The following DCBLD2 variants were observed in gnomAD, a reference collection of about 807,000 sequenced individuals.
DCBLD2 encodes the protein discoidin, CUB and LCCL domain-containing protein 2.
Under a neutral mutation model 86.8 loss-of-function variants are expected in DCBLD2, and 54 were observed. The ratio of observed to expected loss-of-function variants is 0.62; its 90% confidence interval spans 0.50 to 0.78. The LOEUF is 0.78. Among genes scored for constraint, DCBLD2 ranks in the 30% least tolerant of loss-of-function variants. The pLI is 0.00. For synonymous variants in DCBLD2, 354 were observed against 341.3 expected, an observed-to-expected ratio of 1.04 and a Z score of -0.41; for missense variants, 908 against 954.2, an observed-to-expected ratio of 0.95 and a Z score of 0.64.
At chr3:98,842,316 A>G (rs892879526) in intron 3 of DCBLD2, among the ~76,000 whole-genome samples, 1 of 152,218 alleles carries the variant, frequency 6.6e-6, no homozygotes, top group Non-Finnish European at 1.5e-5. Flanking sequence ...AGGATGTAGG[A>G]TAAGCCTGGT....
intron 6 of DCBLD2, 86 bp downstream of exon 6, chr3:98,822,142 C>T (rs758060420): frequency 2.0e-6 from 3 of 1,475,478 alleles, no homozygotes; most frequent in Admixed American, 1.7e-5. Flanking sequence ...AGTGATACTG[C>T]TGAGATCTAG....
At chr3:98,880,695 T>G (rs1943449823) in intron 2 of DCBLD2, among the ~76,000 whole-genome samples, 1 of 152,198 alleles carries the variant, frequency 6.6e-6, no homozygotes, top group African/African-American at 2.4e-5. Context: ...ATATTATATC[T>G]TAGGTGCTGT....
intron 1 of DCBLD2, among the ~76,000 whole-genome samples, chr3:98,884,255 A>G (rs1943521961): frequency 1.3e-5 from 2 of 152,084 alleles, no homozygotes; most frequent in African/African-American, 4.8e-5. Flanking sequence ...GCTATCTTCT[A>G]TACTTGCTTT....
At position 98,799,776 on chromosome 3, in the gene DCBLD2, C is replaced by T. The variant is rs771366365; in HGVS notation, c.1924G>A (p.Glu642Lys). The change falls in exon 16 of 16, where the codon GAA becomes AAA. Residue 642 changes from glutamate to lysine, a missense_variant. Physicochemically the swap from Glu to Lys is moderately conservative, Grantham distance 56. This residue lies in a region of DCBLD2 where 606 missense variants were observed against 678.5 expected (regional missense o/e 0.89). Coordinates refer to ENST00000326840, the MANE Select transcript of DCBLD2 (RefSeq NM_080927.4). ...GCATAGCCTGCTTCTTTTCCTTCTTCTGGTTTAAAGGTAGATCTTTGATGA... is the reference window on the plus strand; with the variant it reads ...GCATAGCCTGCTTCTTTTCCTTCTTTTGGTTTAAAGGTAGATCTTTGATGA... ...TLHQRSTFKP[E>K]EGKEAGYADL... The T allele has an allele frequency of 6.2e-7, 1 of 1,613,908 alleles. No homozygotes were observed. The highest frequency in any genetic ancestry group is 8.5e-7 in the Non-Finnish European group (1 of 1,179,864).
At position 98,799,833 on chromosome 3, in the gene DCBLD2, G is replaced by T; in HGVS notation, c.1867C>A (p.Gln623Lys). 6.2e-7 allele frequency: 1 copy of T among 1,609,132 alleles called. No individual in the cohort carries two copies. Among genetic ancestry groups the T allele is most frequent in the Non-Finnish European group, 8.5e-7 (1 of 1,177,082 alleles). ...VLQADSAEYA[Q>K]PLVGGIVGTL... is the part of the protein sequence containing the mutation. ...CCAACAATTCCTCCTACCAGTGGCT[G>T]AGCATACTCTGTGGATATCACAAAA... is the stretch of plus-strand genomic sequence containing the variant. The change falls in exon 16 of 16, where the codon CAG (glutamine) becomes AAG (lysine). Residue 623 changes from glutamine to lysine, a missense_variant. Gln to Lys is a moderately conservative substitution (Grantham distance 53). Transcript: ENST00000326840.
At chr3:98,844,409 GTGCAGTAA>G (rs1461367943) in intron 3 of DCBLD2, among the ~76,000 whole-genome samples, 1 of 150,830 alleles carries the variant, frequency 6.6e-6, no homozygotes, top group Non-Finnish European at 1.5e-5. Flanking sequence ...CCAGGTTGGA[GTGCAGTAA>G]TGCAGTCTTG....
chr3:98,800,515 A>G, intron 15 of DCBLD2, 64 bp downstream of exon 15: 1 of 1,503,230 alleles, frequency 6.7e-7, no homozygotes, highest in Admixed American at 2.2e-5. Context: ...ATCCCAAAGC[A>G]CTTTATAGCA....
intron 2 of DCBLD2, among the ~76,000 whole-genome samples, chr3:98,865,772 CAT>C (rs967101216): frequency 1.3e-5 from 2 of 152,098 alleles, no homozygotes; most frequent in African/African-American, 4.8e-5. Context: ...GTGCAGGTGA[CAT>C]ATGTATACAT....
At chr3:98,898,059 G>A (rs12636060) in intron 1 of DCBLD2, among the ~76,000 whole-genome samples, 35,017 of 151,772 alleles carry the variant, frequency 0.23, 5,075 homozygotes, top group East Asian at 0.43. Flanking sequence ...AAAAGATTTC[G>A]AAGACCAACT....
At chr3:98,893,630 A>C (rs1943699785) in intron 1 of DCBLD2, among the ~76,000 whole-genome samples, 3 of 152,188 alleles carry the variant, frequency 2.0e-5, no homozygotes, top group Non-Finnish European at 2.9e-5. Context: ...AAAGCTCGTC[A>C]CTGAAAAAAG....
intron 2 of DCBLD2, among the ~76,000 whole-genome samples, chr3:98,862,562 A>G (rs553833378): frequency 6.6e-6 from 1 of 152,252 alleles, no homozygotes; most frequent in Non-Finnish European, 1.5e-5. Context: ...AGGCTGGTTG[A>G]ACATATGCAA....
intron 10 of DCBLD2, among the ~76,000 whole-genome samples, chr3:98,811,846 A>G (rs1941945522): frequency 6.6e-6 from 1 of 152,204 alleles, no homozygotes. Context: ...AGTCATCCAC[A>G]TTTTGATACA....
intron 2 of DCBLD2, among the ~76,000 whole-genome samples, chr3:98,870,970 T>G (rs1262227278): frequency 6.6e-6 from 1 of 151,974 alleles, no homozygotes; most frequent in African/African-American, 2.4e-5. Flanking sequence ...CATCAGTGTT[T>G]TGCAGTTCTA....
chr3:98,821,558 G>A (rs1470057883), intron 6 of DCBLD2, among the ~76,000 whole-genome samples: 1 of 152,142 alleles, frequency 6.6e-6, no homozygotes, highest in Non-Finnish European at 1.5e-5. Flanking sequence ...GAATCCCCAT[G>A]TGCTATAAGG....
intron 2 of DCBLD2, among the ~76,000 whole-genome samples, chr3:98,876,033 A>C (rs181594394): frequency 6.6e-6 from 1 of 152,156 alleles, no homozygotes; most frequent in Non-Finnish European, 1.5e-5. Flanking sequence ...GATGCAATTT[A>C]AAAAAAGACT....
chr3:98,839,157 T>TTCTTTC (rs1553727028), intron 3 of DCBLD2, among the ~76,000 whole-genome samples: 44 of 69,648 alleles, frequency 6.3e-4, no homozygotes, highest in East Asian at 2.6e-3. Context: ...CTTTCTTTCT[T>TTCTTTC]TCTTTCTTTC....
intron 13 of DCBLD2, among the ~76,000 whole-genome samples, chr3:98,803,620 GCCAGTTTTCAAAGGCAATGCTT>G (rs1197977977): frequency 1.3e-5 from 2 of 152,150 alleles, no homozygotes; most frequent in African/African-American, 4.8e-5. Context: ...CCTGTCTTGT[GCCAGTTTTCAAAGGCAATGCTT>G]CCAGTTTTTG....
chr3:98,815,918 GTCATAATAT>G (rs1316506757), intron 9 of DCBLD2: 1 of 149,508 alleles, frequency 6.7e-6, no homozygotes, highest in Non-Finnish European at 1.5e-5. Flanking sequence ...ACCTTCAAGG[GTCATAATAT>G]TCATAAAATT....
chr3:98,872,464 C>G (rs1301644963), intron 2 of DCBLD2, among the ~76,000 whole-genome samples: 1 of 152,176 alleles, frequency 6.6e-6, no homozygotes, highest in Non-Finnish European at 1.5e-5. Flanking sequence ...CACTCTTGCA[C>G]TTTCCAGCCA....
Sources: gnomAD v4.1 joint callset for allele counts (sites outside exome capture counted in the v4.1 genomes callset) on GRCh38, gnomAD v4.1.1 for gene constraint, gnomAD v4.1.1 regional missense constraint, MANE v1.5 for transcripts, NCBI Gene and HGNC (gene_info 2026-07-23, HGNC 2026-07-21) for gene names.